Variants in AKAP13 observed in about 807,000 individuals in gnomAD.
AKAP13 encodes A-kinase anchor protein 13.
Under a neutral mutation model 264.5 loss-of-function variants are expected in AKAP13, and 80 were observed. The ratio of observed to expected loss-of-function variants is 0.30; its 90% confidence interval spans 0.25 to 0.36. The LOEUF (loss-of-function observed/expected upper bound fraction) is 0.36. Among genes scored for constraint, AKAP13 ranks in the 10% least tolerant of loss-of-function variants. The pLI is 1.00. For synonymous variants in AKAP13, 1,380 were observed against 1,250.2 expected (o/e 1.10, Z -2.19); for missense variants, 3,712 against 3,435.2 (o/e 1.08, Z -2.01).
chr15:85,715,683 C>T, intron 19 of AKAP13, 105 bp from the exon 20 acceptor site: 1 of 1,147,124 alleles, frequency 8.7e-7, no homozygotes, highest in Non-Finnish European at 1.2e-6. Context: ...AGTTCCAGGG[C>T]AAATCCACTG....
chr15:85,616,254 T>C (rs1167288019), intron 8 of AKAP13, among the ~76,000 whole-genome samples: 1 of 152,168 alleles, frequency 6.6e-6, no homozygotes, highest in African/African-American at 2.4e-5. Flanking sequence ...GCTTCTGCCC[T>C]AACTGGAACT....
intron 5 of AKAP13, among the ~76,000 whole-genome samples, chr15:85,571,288 T>G (rs915829768): frequency 7.2e-5 from 11 of 152,218 alleles, no homozygotes; most frequent in African/African-American, 2.7e-4. Context: ...ACTTTTTATT[T>G]TGCTTATTTC....
rs376925051 is a variant in AKAP13 at position 85,580,372 on chromosome 15, A to C, written c.2304A>C (p.Lys768Asn). ...CACATCCACATCCAGTTGTCCCTAA[A>C]ATGGAGAAAGAACTGGTGCCAGACC... ...VVSHPHPVVP[K>N]MEKELVPDQA... Residue 768 changes from lysine to asparagine, a missense_variant, in exon 7 of 37, where the codon AAA (lysine) becomes AAC (asparagine). Transcript: ENST00000394518. The C allele has an allele frequency of 4.3e-6, 7 of 1,614,124 alleles. No homozygotes were observed. The African/African-American group carries it at 9.3e-5, about 22-fold the overall frequency.
intron 8 of AKAP13, among the ~76,000 whole-genome samples, chr15:85,630,273 A>ACACACACAAATAC (rs1329396604): frequency 6.6e-6 from 1 of 151,376 alleles, no homozygotes. Context: ...ACACAAACAC[A>ACACACACAAATAC]ATGAACTAAG....
At chr15:85,701,624 A>C (rs936993578) in intron 17 of AKAP13, among the ~76,000 whole-genome samples, 2 of 149,268 alleles carry the variant, frequency 1.3e-5, no homozygotes, top group Admixed American at 1.3e-4. Context: ...TTGTATTTTT[A>C]TTAGAGTTGG....
chr15:85,594,963 T>C (rs564251801), intron 8 of AKAP13, among the ~76,000 whole-genome samples: 1 of 152,348 alleles, frequency 6.6e-6, no homozygotes, highest in Admixed American at 6.5e-5. Context: ...TTTCAGATGT[T>C]TCTAGTCTCC....
intron 1 of AKAP13, among the ~76,000 whole-genome samples, chr15:85,453,997 A>G (rs2074189120): frequency 6.6e-6 from 1 of 152,318 alleles, no homozygotes; most frequent in East Asian, 1.9e-4. Context: ...GGAATGGCAA[A>G]GATGGTGGCC....
chr15:85,512,973 C>T (rs900597073), intron 2 of AKAP13, among the ~76,000 whole-genome samples: 1 of 152,132 alleles, frequency 6.6e-6, no homozygotes, highest in Non-Finnish European at 1.5e-5. Context: ...TCTCCTGCCT[C>T]AGCCTCCCGA....
intron 16 of AKAP13, among the ~76,000 whole-genome samples, chr15:85,688,804 T>A (rs1344548683): frequency 1.3e-5 from 2 of 152,196 alleles, no homozygotes; most frequent in African/African-American, 4.8e-5. Context: ...GATAAATATA[T>A]TGAATGTGTT....
intron 1 of AKAP13, among the ~76,000 whole-genome samples, chr15:85,419,459 AT>A (rs2072409268): frequency 6.6e-6 from 1 of 152,184 alleles, no homozygotes; most frequent in South Asian, 2.1e-4. Flanking sequence ...CTGGAAAACA[AT>A]TGTATGTCAC....
At chr15:85,739,918 T>C (rs1239012298) in intron 33 of AKAP13, among the ~76,000 whole-genome samples, 1 of 152,190 alleles carries the variant, frequency 6.6e-6, no homozygotes, top group East Asian at 1.9e-4. Flanking sequence ...GGAATTTCTG[T>C]TCTGTTGCGT....
chr15:85,689,819 CAA>C (rs2085173748), intron 16 of AKAP13: 1 of 152,218 alleles, frequency 6.6e-6, no homozygotes, highest in Non-Finnish European at 1.5e-5. Context: ...TCCTTTGTAA[CAA>C]GGGTTGTTGG....
At chr15:85,402,535 AT>A (rs2071474012) in intron 1 of AKAP13, among the ~76,000 whole-genome samples, 1 of 152,232 alleles carries the variant, frequency 6.6e-6, no homozygotes, top group African/African-American at 2.4e-5. Flanking sequence ...TTAACTGCCC[AT>A]GAGATAGTTC....
At position 85,396,963 on chromosome 15, in the gene AKAP13, T is replaced by C. The variant is rs2071147707; in HGVS notation, c.-12+16165T>C. Among the ~76,000 whole-genome samples, 4 of 150,916 alleles carry C rather than the reference T, an allele frequency of 2.7e-5. No homozygotes were observed. In the South Asian group the frequency reaches 8.5e-4, roughly 32 times the overall value. On this transcript the variant is annotated intron_variant, in intron 1 of 36. Coordinates refer to ENST00000394518, the MANE Select transcript of AKAP13 (RefSeq NM_007200.5). Reference sequence around the variant, plus strand: ...CTTAAGTACCAGCACAGGAATGCTATGATTTATACATAATTATTTTTGTTT... The same window carrying C: ...CTTAAGTACCAGCACAGGAATGCTACGATTTATACATAATTATTTTTGTTT...
chr15:85,386,379 C>T lies in AKAP13; in HGVS notation c.-12+5581C>T, dbSNP rs1025433873. On this transcript the variant is annotated intron_variant, in intron 1 of 36. Coordinates refer to ENST00000394518, the MANE Select transcript of AKAP13 (RefSeq NM_007200.5). Reference sequence around the variant, plus strand: ...GTGAGATCTTGTTCACTGGAATCTCCGCCTCCCGGGTTCAAGTGATTCTCC... The same window carrying T: ...GTGAGATCTTGTTCACTGGAATCTCTGCCTCCCGGGTTCAAGTGATTCTCC... Among the ~76,000 whole-genome samples the T allele has an allele frequency of 6.7e-5, 10 of 150,010 alleles. No homozygotes were observed. The East Asian group carries it at 1.0e-3, about 15-fold the overall frequency.
chr15:85,478,506 T>C (rs1306222701), intron 1 of AKAP13, among the ~76,000 whole-genome samples: 1 of 152,220 alleles, frequency 6.6e-6, no homozygotes, highest in African/African-American at 2.4e-5. Flanking sequence ...TGCATGTGTT[T>C]GGCCCAAACT....
intron 36 of AKAP13, chr15:85,744,356 G>C (rs1251979980): frequency 4.6e-6 from 2 of 435,336 alleles, no homozygotes; most frequent in Non-Finnish European, 8.3e-6. Flanking sequence ...TCTCCTTTCT[G>C]TGTGGGAGGT....
chr15:85,495,930 CAA>C (rs1186666299), intron 2 of AKAP13, among the ~76,000 whole-genome samples: 2 of 152,166 alleles, frequency 1.3e-5, no homozygotes, highest in Non-Finnish European at 2.9e-5. Flanking sequence ...ATGTGCAAAA[CAA>C]AATCTCCAGT....
At chr15:85,712,433 A>G (rs552257287) in intron 19 of AKAP13, among the ~76,000 whole-genome samples, 1 of 152,114 alleles carries the variant, frequency 6.6e-6, no homozygotes, top group African/African-American at 2.4e-5. Flanking sequence ...TTCTTGTGAC[A>G]TTATCTGTTG....
Sources: allele counts gnomAD v4.1 joint callset (sites outside exome capture counted in the v4.1 genomes callset), GRCh38; gene constraint gnomAD v4.1.1; transcripts MANE v1.5; gene names NCBI Gene and HGNC (gene_info 2026-07-23, HGNC 2026-07-21).